RBBP8: variants seen among roughly 807,000 people sequenced by gnomAD.
RBBP8 encodes DNA endonuclease RBBP8.
In RBBP8, 88 loss-of-function variants were observed where a neutral mutation model predicts 108.3. The ratio of observed to expected loss-of-function variants is 0.81; its 90% CI spans 0.68 to 0.97. RBBP8 has a LOEUF of 0.97. Ranked by LOEUF, RBBP8 falls within the 50% of genes least tolerant of loss-of-function variation. The probability of loss-of-function intolerance (pLI) is 0.00; values close to 1 mark genes in which losing one functional copy is unlikely to be tolerated. For missense variants in RBBP8, 1,023 were observed against 1,049.0 expected (o/e 0.98, Z 0.34); for synonymous variants, 332 against 348.2 (o/e 0.95, Z 0.52).
intron 16 of RBBP8, among the ~76,000 whole-genome samples, chr18:23,006,903 A>T (rs991754163): frequency 2.0e-5 from 3 of 152,320 alleles, no homozygotes; most frequent in Admixed American, 2.0e-4. Context: ...ACTCAAGCAT[A>T]AAAACGACAA....
chr18:22,939,662 AAAGAAATGTTC>A (rs1910890054), intron 2 of RBBP8, among the ~76,000 whole-genome samples: 1 of 152,230 alleles, frequency 6.6e-6, no homozygotes, highest in Non-Finnish European at 1.5e-5. Flanking sequence ...ATGGAGACAC[AAAGAAATGTTC>A]AAGAAATGTT....
intron 3 of RBBP8, among the ~76,000 whole-genome samples, chr18:22,949,081 A>G (rs1032278291): frequency 5.3e-5 from 8 of 152,110 alleles, no homozygotes; most frequent in Non-Finnish European, 1.0e-4. Flanking sequence ...CTTTTGGAGT[A>G]GATATTAATG....
intron 16 of RBBP8, among the ~76,000 whole-genome samples, chr18:23,011,521 C>G (rs2046160725): frequency 1.3e-5 from 2 of 150,044 alleles, no homozygotes; most frequent in South Asian, 4.2e-4. Context: ...ACTGCAAGCT[C>G]TGCCTCCCGG....
intron 3 of RBBP8, among the ~76,000 whole-genome samples, chr18:22,918,795 T>C (rs983280568): frequency 8.5e-5 from 13 of 152,160 alleles, no homozygotes; most frequent in African/African-American, 2.7e-4. Context: ...AAATTTTTTG[T>C]AGAGATGTGT....
chr18:22,923,162 T>C (rs888289219), intron 3 of RBBP8, among the ~76,000 whole-genome samples: 4 of 152,188 alleles, frequency 2.6e-5, no homozygotes, highest in Non-Finnish European at 5.9e-5. Flanking sequence ...CTTCTCTCTC[T>C]CATTTAATCC....
chr18:22,949,801 T>A (rs1911885473), intron 4 of RBBP8, 88 bp downstream of exon 4: 1 of 986,046 alleles, frequency 1.0e-6, no homozygotes, highest in African/African-American at 1.6e-5. Context: ...AGTTTTGGGA[T>A]TGAAAGTGAT....
intron 16 of RBBP8, among the ~76,000 whole-genome samples, chr18:23,012,208 CAA>C (rs56096515): frequency 9.1e-6 from 1 of 109,616 alleles, no homozygotes; most frequent in Non-Finnish European, 1.7e-5. Flanking sequence ...ATGCTGTCTC[CAA>C]AAAAAAAAAA....
At chr18:22,947,645 G>A (rs1422107813) in intron 3 of RBBP8, among the ~76,000 whole-genome samples, 3 of 152,016 alleles carry the variant, frequency 2.0e-5, no homozygotes, top group South Asian at 2.1e-4. Context: ...GTTAGTGATT[G>A]GTGTAGTAAT....
chr18:22,990,665 A>C (rs1184291507), intron 9 of RBBP8, among the ~76,000 whole-genome samples: 2 of 152,214 alleles, frequency 1.3e-5, no homozygotes, highest in African/African-American at 2.4e-5. Flanking sequence ...AGAAAACCTC[A>C]TACCCATTAA....
chr18:22,916,886 T>G (rs1053763796), intron 2 of RBBP8: 1 of 152,220 alleles, frequency 6.6e-6, no homozygotes, highest in Non-Finnish European at 1.5e-5. Context: ...CATTCTTAAA[T>G]GCTCATAATT....
rs145578344 is a variant in RBBP8 at position 22,993,313 on chromosome 18, C to G, written c.1486C>G (p.Arg496Gly). The change falls in exon 11 of 19, where the codon CGA becomes GGA. Residue 496 changes from arginine (R) to glycine (G), a missense_variant. Transcript: ENST00000327155. Reference protein sequence around the residue: ...VMDKPLDLSDRFSAIQRQEKS... With the variant: ...VMDKPLDLSDGFSAIQRQEKS... ...GGATAAACCTCTGGATCTGTCTGAT[C>G]GATTTTCAGCTATTCAGCGTCAAGA... 5.0e-6 allele frequency: 8 copies of G among 1,614,040 alleles called. No homozygotes were observed. Among genetic ancestry groups the G allele is most frequent in the Middle Eastern group, 1.6e-4 (1 of 6,084 alleles).
chr18:22,947,301 A>G (rs951500254), intron 3 of RBBP8, among the ~76,000 whole-genome samples: 7 of 152,046 alleles, frequency 4.6e-5, no homozygotes, highest in Non-Finnish European at 1.0e-4. Context: ...TGTAGAGGGT[A>G]TAACTCGAAC....
chr18:22,940,988 T>G (rs1373869909), intron 2 of RBBP8, among the ~76,000 whole-genome samples: 1 of 152,048 alleles, frequency 6.6e-6, no homozygotes, highest in Non-Finnish European at 1.5e-5. Flanking sequence ...ATTGTCATTG[T>G]ACAAGTTTTT....
At chr18:23,024,202 C>G (rs2046419232) in intron 18 of RBBP8, among the ~76,000 whole-genome samples, 1 of 151,946 alleles carries the variant, frequency 6.6e-6, no homozygotes, top group African/African-American at 2.4e-5. Flanking sequence ...GCCTCTTTAA[C>G]TGAAGATTTT....
chr18:22,980,715 T>TTA (rs1914852041), intron 6 of RBBP8, among the ~76,000 whole-genome samples: 1 of 130,180 alleles, frequency 7.7e-6, no homozygotes. Context: ...CTTTTTGGGG[T>TTA]TTTTTTTTTT....
chr18:22,960,137 C>T (rs1004133252), intron 4 of RBBP8, among the ~76,000 whole-genome samples: 2 of 152,080 alleles, frequency 1.3e-5, no homozygotes, highest in Non-Finnish European at 2.9e-5. Context: ...TTGTGATCCG[C>T]CCACCTCGGC....
intron 4 of RBBP8, among the ~76,000 whole-genome samples, chr18:22,966,082 G>A (rs989472994): frequency 1.3e-5 from 2 of 152,124 alleles, no homozygotes; most frequent in African/African-American, 2.4e-5. Flanking sequence ...TTGCCCACCA[G>A]CTGCCTTGCT....
Position 23,026,164 on chromosome 18 carries a change from A to T in RBBP8, c.2618A>T (p.Asp873Val). ...MERGYIKEDLDPCPRPKRRQP... is the reference protein window; with the variant it reads ...MERGYIKEDLVPCPRPKRRQP... ...TAAGGTTATATTAAGGAAGATCTTGATCCTTGTCCTCGTCCAAAAAGACGT... is the reference window on the plus strand; with the variant it reads ...TAAGGTTATATTAAGGAAGATCTTGTTCCTTGTCCTCGTCCAAAAAGACGT... Residue 873 changes from aspartate (D) to valine (V), a missense_variant, in exon 19 of 19, where the codon GAT becomes GTT. Transcript: ENST00000327155. 6.2e-7 allele frequency: 1 copy of T among 1,613,610 alleles called. No homozygotes were observed. Among genetic ancestry groups the T allele is most frequent in the Non-Finnish European group, 8.5e-7 (1 of 1,179,632 alleles).
intron 5 of RBBP8, among the ~76,000 whole-genome samples, chr18:22,973,885 T>A (rs1914307157): frequency 6.6e-6 from 1 of 152,178 alleles, no homozygotes; most frequent in South Asian, 2.1e-4. Context: ...TCGATTGCCC[T>A]TGTCACTTTT....
Sources: gnomAD v4.1 joint callset for allele counts (sites outside exome capture counted in the v4.1 genomes callset) on GRCh38, gnomAD v4.1.1 for gene constraint, MANE v1.5 for transcripts, NCBI Gene and HGNC (gene_info 2026-07-23, HGNC 2026-07-21) for gene names.